The following WDR7 variants were observed in gnomAD, a reference collection of about 807,000 sequenced individuals.
WDR7 encodes the protein WD repeat-containing protein 7.
A neutral mutation model predicts 169.4 loss-of-function variants in WDR7; 46 were observed. That is an observed-to-expected ratio of 0.27 (90% confidence interval 0.21 to 0.35). WDR7 has a LOEUF of 0.35. WDR7 is among the 10% of genes least tolerant of loss of function. The pLI is 1.00. For synonymous variants in WDR7, 612 were observed against 666.8 expected, an observed-to-expected ratio of 0.92 and a Z score of 1.27; for missense variants, 1,534 against 1,859.3, an observed-to-expected ratio of 0.83 and a Z score of 3.22.
intron 20 of WDR7, among the ~76,000 whole-genome samples, chr18:56,876,502 C>T (rs939384325): frequency 6.6e-6 from 1 of 152,124 alleles, no homozygotes; most frequent in African/African-American, 2.4e-5. Flanking sequence ...GGGCTGAAAC[C>T]ATTAGCTACT....
intron 21 of WDR7, among the ~76,000 whole-genome samples, chr18:56,908,055 A>G (rs1261426479): frequency 3.3e-5 from 5 of 152,160 alleles, no homozygotes; most frequent in African/African-American, 1.2e-4. Context: ...TTCTATAAAC[A>G]TGCATTTAAG....
chr18:56,939,318 A>G lies in WDR7; in HGVS notation c.3989A>G (p.Asp1330Gly). The change falls in exon 25 of 28, where the codon GAC (aspartate) becomes GGC (glycine). Residue 1330 changes from aspartate to glycine, a missense_variant. By Grantham distance (94) the Asp-to-Gly change is moderately conservative. Coordinates refer to ENST00000254442, the MANE Select transcript of WDR7 (RefSeq NM_015285.3). The stretch of plus-strand genomic sequence containing the variant: ...TGTTCTTTTCTGTCAAAGGTTATGG[A>G]CATCATTATGTACTGCCTTGAAGGA... Reference protein sequence around the residue: ...DVVDLLVEVMDIIMYCLEGSL... With the variant: ...DVVDLLVEVMGIIMYCLEGSL... 2 of 1,524,920 alleles carry G rather than the reference A, an allele frequency of 1.3e-6. No individual in the cohort carries two copies. Among genetic ancestry groups the G allele is most frequent in the Non-Finnish European group, 1.8e-6 (2 of 1,135,910 alleles). The allele number at this position is 1,524,920 out of a possible 1,614,324, so 94.5% of individuals were successfully genotyped here.
chr18:56,829,529 A>G (rs2045272480), intron 20 of WDR7, among the ~76,000 whole-genome samples: 1 of 152,198 alleles, frequency 6.6e-6, no homozygotes, highest in South Asian at 2.1e-4. Context: ...CTGCTCCTGA[A>G]TCTACTCCCT....
chr18:56,721,426 T>C (rs1035620409), intron 13 of WDR7: 3 of 152,222 alleles, frequency 2.0e-5, no homozygotes, highest in Non-Finnish European at 4.4e-5. Context: ...TGTTCTTTTA[T>C]TGTGACATTT....
At chr18:56,936,589 C>G (rs1226615492) in intron 23 of WDR7, among the ~76,000 whole-genome samples, 3 of 152,056 alleles carry the variant, frequency 2.0e-5, no homozygotes, top group Non-Finnish European at 1.5e-5. Context: ...AGTTGTTTTT[C>G]CTGTAGCTAT....
intron 1 of WDR7, among the ~76,000 whole-genome samples, chr18:56,665,528 A>G (rs1307420951): frequency 6.6e-6 from 1 of 152,074 alleles, no homozygotes; most frequent in African/African-American, 2.4e-5. Flanking sequence ...TCATTTCAGA[A>G]TTATTCAAAG....
At chr18:56,976,590 G>A (rs1458024222) in intron 26 of WDR7, among the ~76,000 whole-genome samples, 1 of 152,054 alleles carries the variant, frequency 6.6e-6, no homozygotes, top group African/African-American at 2.4e-5. Flanking sequence ...TTGCTTATTC[G>A]GCATCTCAGC....
intron 21 of WDR7, among the ~76,000 whole-genome samples, chr18:56,888,517 C>G (rs969429383): frequency 2.6e-5 from 4 of 152,222 alleles, no homozygotes; most frequent in South Asian, 2.1e-4. Context: ...TCATCACCTT[C>G]CGATTTTCTT....
At chr18:56,792,765 AAC>A (rs10551903) in intron 19 of WDR7, among the ~76,000 whole-genome samples, 35,211 of 147,296 alleles carry the variant, frequency 0.24, 4,230 homozygotes, top group Non-Finnish European at 0.25. Context: ...TATTTTCTTT[AAC>A]ACACACACAC....
Position 56,672,661 on chromosome 18 carries a change from C to G in WDR7, c.146C>G (p.Ser49Ter). 1 of 1,608,082 alleles carries G rather than the reference C, an allele frequency of 6.2e-7. No individual in the cohort carries two copies. The highest frequency in any genetic ancestry group is 1.1e-5 in the South Asian group (1 of 89,890). Residue 49 changes from serine (S) to a stop codon, truncating the protein, a stop_gained, in exon 2 of 28, where the codon TCA becomes TGA. Transcript: ENST00000254442. LOFTEE classifies it high-confidence loss of function. ...GGACAAATATGTCTCTGGGATCTTTCAGTAGAACTGCAAGTGAGTATGTGA... is the reference window on the plus strand; with the variant it reads ...GGACAAATATGTCTCTGGGATCTTTGAGTAGAACTGCAAGTGAGTATGTGA... ...HDGQICLWDLSVELQINPRAL... is the reference protein window; with the variant it reads ...HDGQICLWDL
chr18:56,718,239 T>A, intron 13 of WDR7, 80 bp downstream of exon 13: 1 of 1,369,912 alleles, frequency 7.3e-7, no homozygotes, highest in Admixed American at 2.6e-5. Flanking sequence ...GTCTTTTATA[T>A]GAAGAAAAAA....
rs557798082 is a variant in WDR7, at chr18:56,767,737, T to G, written c.2848+8784T>G. Among the ~76,000 whole-genome samples, 3 of 152,286 alleles carry G rather than the reference T, an allele frequency of 2.0e-5. No homozygotes were observed. The South Asian group carries it at 6.2e-4, about 32-fold the overall frequency. ...ATTTGTATATATGGAGTTGTGATAT[T>G]TTTAGAGTGTTATTACTGGTAGAAA... On this transcript the variant is annotated intron_variant, in intron 16 of 27. Coordinates refer to ENST00000254442, the MANE Select transcript of WDR7 (RefSeq NM_015285.3).
At chr18:56,839,110 TAA>T (rs565216141) in intron 20 of WDR7, among the ~76,000 whole-genome samples, 56 of 152,182 alleles carry the variant, frequency 3.7e-4, no homozygotes, top group Non-Finnish European at 6.2e-4. Context: ...TGATTCAGCA[TAA>T]GTTTTCTCAT....
intron 21 of WDR7, among the ~76,000 whole-genome samples, chr18:56,896,596 G>A (rs1448013121): frequency 2.0e-5 from 3 of 151,794 alleles, no homozygotes; most frequent in African/African-American, 7.2e-5. Context: ...ATAAAAGATT[G>A]CATTTTTAAA....
intron 25 of WDR7, among the ~76,000 whole-genome samples, chr18:56,943,153 G>A (rs1420271980): frequency 6.6e-6 from 1 of 152,202 alleles, no homozygotes; most frequent in Non-Finnish European, 1.5e-5. Flanking sequence ...ATCAGTAGGA[G>A]TTAAAATTAT....
At chr18:56,946,749 T>A (rs1218461109) in intron 25 of WDR7, among the ~76,000 whole-genome samples, 2 of 152,234 alleles carry the variant, frequency 1.3e-5, no homozygotes, top group Admixed American at 6.5e-5. Context: ...TACACGGTTT[T>A]ATTTCAAAAG....
intron 26 of WDR7, among the ~76,000 whole-genome samples, chr18:56,967,483 T>A (rs1278624397): frequency 6.6e-6 from 1 of 152,126 alleles, no homozygotes; most frequent in Admixed American, 6.5e-5. Flanking sequence ...AGCAGATGAA[T>A]TAGGGTCCCT....
At chr18:56,947,737 G>A (rs988567984) in intron 25 of WDR7, among the ~76,000 whole-genome samples, 17 of 152,206 alleles carry the variant, frequency 1.1e-4, no homozygotes, top group African/African-American at 1.9e-4. Flanking sequence ...ACGTGAAGGC[G>A]TAGAGCAGTA....
intron 20 of WDR7, among the ~76,000 whole-genome samples, chr18:56,838,414 GT>G (rs2045428887): frequency 6.6e-6 from 1 of 152,168 alleles, no homozygotes; most frequent in South Asian, 2.1e-4. Flanking sequence ...AGGAAGTTAA[GT>G]ATAGTTTTCC....
Sources: allele counts gnomAD v4.1 joint callset (sites outside exome capture counted in the v4.1 genomes callset), GRCh38; gene constraint gnomAD v4.1.1; transcripts MANE v1.5; gene names NCBI Gene and HGNC (gene_info 2026-07-23, HGNC 2026-07-21).